The following REEP3 variants were observed in gnomAD, a reference collection of about 807,000 sequenced individuals.
REEP3 encodes the protein receptor accessory protein 3, also known as receptor expression-enhancing protein 3.
A neutral mutation model predicts 41.3 loss-of-function variants in REEP3; 20 were observed. That is an observed-to-expected ratio of 0.48 (90% CI 0.34 to 0.70). The LOEUF is 0.70. Among genes scored for constraint, REEP3 ranks in the 30% least tolerant of loss-of-function variants. The pLI is 0.01. For synonymous variants in REEP3, 104 were observed against 101.8 expected (o/e 1.02, Z -0.13); for missense variants, 271 against 308.8 (o/e 0.88, Z 0.92).
intron 1 of REEP3, among the ~76,000 whole-genome samples, chr10:63,534,986 C>G (rs1013130806): frequency 6.6e-6 from 1 of 152,192 alleles, no homozygotes; most frequent in Non-Finnish European, 1.5e-5. Flanking sequence ...CACTTGGCTT[C>G]TCTTTTATTC....
chr10:63,537,401 TA>T (rs1288720189), intron 1 of REEP3, among the ~76,000 whole-genome samples: 2 of 152,166 alleles, frequency 1.3e-5, no homozygotes, highest in African/African-American at 2.4e-5. Context: ...AATTATAGGA[TA>T]GGGGTTAGCT....
chr10:63,525,954 C>T (rs1361030179), intron 1 of REEP3, among the ~76,000 whole-genome samples: 1 of 152,160 alleles, frequency 6.6e-6, no homozygotes, highest in Non-Finnish European at 1.5e-5. Flanking sequence ...GGATTAAATA[C>T]ATTACTATAT....
rs59658061 is a variant in REEP3, at chr10:63,589,785, C to CTTTTTTTTT, written c.106-4975_106-4967dup. ...TAATGTACTAAGAACAGCAGAACAT[C>CTTTTTTTTT]TTTTTTTTTTTTTTTTTTTTTTTTT... On this transcript the variant is annotated intron_variant, in intron 2 of 7. Transcript: ENST00000373758. 2.7e-3 allele frequency among the ~76,000 whole-genome samples: 216 copies of CTTTTTTTTT among 80,834 alleles called. 22 individuals are homozygous for CTTTTTTTTT. The highest frequency in any genetic ancestry group is 4.1e-3 in the Non-Finnish European group (180 of 43,500). 53.0% of individuals were successfully genotyped at this position (80,834 alleles called of 152,430 possible). A position where few individuals can be genotyped will look rare whatever the true frequency, so the allele number is the denominator to read the frequency against.
intron 1 of REEP3, among the ~76,000 whole-genome samples, chr10:63,522,413 T>C (rs930412695): frequency 6.6e-6 from 1 of 152,160 alleles, no homozygotes; most frequent in Non-Finnish European, 1.5e-5. Context: ...GTTAATCGTG[T>C]AAATGTATTT....
intron 5 of REEP3, among the ~76,000 whole-genome samples, chr10:63,605,647 C>T (rs1956218144): frequency 6.6e-6 from 1 of 151,994 alleles, no homozygotes; most frequent in Non-Finnish European, 1.5e-5. Context: ...TAGTGTTTAA[C>T]CAGGAAATGA....
intron 1 of REEP3, among the ~76,000 whole-genome samples, chr10:63,546,988 C>T (rs1157067368): frequency 1.3e-5 from 2 of 150,890 alleles, no homozygotes; most frequent in Non-Finnish European, 2.9e-5. Flanking sequence ...GTGGTGCAAT[C>T]TCAGCTCACT....
At chr10:63,560,306 C>G (rs779896043) in intron 1 of REEP3, among the ~76,000 whole-genome samples, 3 of 152,114 alleles carry the variant, frequency 2.0e-5, no homozygotes, top group Non-Finnish European at 4.4e-5. Context: ...TGTAAATTAA[C>G]TCTTGACCAG....
At position 63,547,067 on chromosome 10, in the gene REEP3, G is replaced by A. The variant is rs189305836; in HGVS notation, c.33-19271G>A. ...CTCCCAAGTAGCTGGGATTACAGGCGCCCGCCACCATGCCCAGCTAATTTT... is the reference window on the plus strand; with the variant it reads ...CTCCCAAGTAGCTGGGATTACAGGCACCCGCCACCATGCCCAGCTAATTTT... On this transcript the variant is annotated intron_variant, in intron 1 of 7. Transcript: ENST00000373758. Among the ~76,000 whole-genome samples the A allele has an allele frequency of 6.8e-3, 1,034 of 151,984 alleles. 4 individuals carry two copies. The highest frequency in any genetic ancestry group is 0.013 in the African/African-American group (534 of 41,482).
intron 1 of REEP3, among the ~76,000 whole-genome samples, chr10:63,531,511 G>A (rs1280567878): frequency 6.6e-6 from 1 of 152,030 alleles, no homozygotes. Context: ...ATATGGAGAG[G>A]GCATGAGGCT....
intron 1 of REEP3, among the ~76,000 whole-genome samples, chr10:63,542,534 A>G (rs1374379501): frequency 1.3e-5 from 2 of 152,240 alleles, no homozygotes; most frequent in Non-Finnish European, 2.9e-5. Context: ...TATATTATCT[A>G]CAAAGAAGTA....
At chr10:63,550,292 G>C (rs557514448) in intron 1 of REEP3, among the ~76,000 whole-genome samples, 59 of 152,312 alleles carry the variant, frequency 3.9e-4, no homozygotes, top group African/African-American at 1.4e-3. Flanking sequence ...ATGTAAATCT[G>C]ATGGTACTAG....
intron 4 of REEP3, among the ~76,000 whole-genome samples, 181 bp downstream of exon 4, chr10:63,598,325 C>T (rs1956135898): frequency 6.7e-6 from 1 of 148,988 alleles, no homozygotes; most frequent in Admixed American, 6.7e-5. Flanking sequence ...ACTAAAAATA[C>T]AAAAAAAAAT....
At chr10:63,607,630 C>T (rs1315196232) in intron 5 of REEP3, among the ~76,000 whole-genome samples, 1 of 152,142 alleles carries the variant, frequency 6.6e-6, no homozygotes, top group Non-Finnish European at 1.5e-5. Context: ...AAAGAAGGGA[C>T]ATAAAAAGAG....
chr10:63,580,437 A>G (rs1413143067), intron 2 of REEP3, among the ~76,000 whole-genome samples: 1 of 152,238 alleles, frequency 6.6e-6, no homozygotes, highest in Non-Finnish European at 1.5e-5. Context: ...GCATCCAGCT[A>G]TAATAGCTTT....
intron 3 of REEP3, among the ~76,000 whole-genome samples, chr10:63,596,736 G>T (rs1304063485): frequency 6.6e-6 from 1 of 152,196 alleles, no homozygotes; most frequent in Non-Finnish European, 1.5e-5. Flanking sequence ...GAGGGCAAAT[G>T]GTTGACTGCA....
chr10:63,599,717 C>T (rs1397868924), intron 5 of REEP3: 4 of 981,858 alleles, frequency 4.1e-6, no homozygotes, highest in African/African-American at 3.5e-5. Flanking sequence ...TTTGAGGTAA[C>T]CGATTATTCA....
At chr10:63,583,251 A>G (rs1024989625) in intron 2 of REEP3, among the ~76,000 whole-genome samples, 1 of 152,116 alleles carries the variant, frequency 6.6e-6, no homozygotes, top group African/African-American at 2.4e-5. Flanking sequence ...TCAGCCTCCC[A>G]AAGTGCTGGG....
chr10:63,537,041 A>C (rs2133346604), intron 1 of REEP3, among the ~76,000 whole-genome samples: 1 of 152,364 alleles, frequency 6.6e-6, no homozygotes, highest in African/African-American at 2.4e-5. Flanking sequence ...ATATGCATCA[A>C]AAGACATTTG....
At chr10:63,554,725 CTG>C (rs1243554174) in intron 1 of REEP3, among the ~76,000 whole-genome samples, 2 of 152,114 alleles carry the variant, frequency 1.3e-5, no homozygotes, top group Admixed American at 6.5e-5. Flanking sequence ...AGCTGGAAAA[CTG>C]TGGAGTGCTG....
Sources: allele counts gnomAD v4.1 joint callset (sites outside exome capture counted in the v4.1 genomes callset), GRCh38; gene constraint gnomAD v4.1.1; transcripts MANE v1.5; gene names NCBI Gene and HGNC (gene_info 2026-07-23, HGNC 2026-07-21).